The following GALR1 variants were observed in gnomAD, a reference collection of about 807,000 sequenced individuals.
GALR1 encodes the protein galanin receptor type 1.
Under a neutral mutation model 17.9 loss-of-function variants are expected in GALR1, and 11 were observed. The observed-to-expected ratio is 0.62, with a 90% CI of 0.39 to 1.02. The LOEUF (loss-of-function observed/expected upper bound fraction) is 1.02, where lower values mean the gene tolerates loss of function less well. Ranked by LOEUF, GALR1 falls within the 50% of genes least tolerant of loss-of-function variation. The probability of loss-of-function intolerance (pLI) is 0.01; values close to 1 mark genes in which losing one functional copy is unlikely to be tolerated. For missense variants in GALR1, 441 were observed against 456.9 expected, an observed-to-expected ratio of 0.97 and a Z score of 0.32; for synonymous variants, 206 against 205.7, an observed-to-expected ratio of 1.00 and a Z score of -0.01.
Position 77,252,753 on chromosome 18 carries a change from C to T in GALR1, c.666+1539C>T, listed in dbSNP as rs1599353921. Among the ~76,000 whole-genome samples the T allele has an allele frequency of 2.0e-5, 3 of 151,730 alleles. No homozygotes were observed. The East Asian group carries it at 5.8e-4, about 30-fold the overall frequency. On this transcript the variant is annotated intron_variant, in intron 1 of 2. Coordinates refer to ENST00000299727, the MANE Select transcript of GALR1 (RefSeq NM_001480.4). ...GTCCCAGCTACTCCGGAGGCTGAGA[C>T]AGAAGAATTGTTTGAACCCAAGTGA...
chr18:77,253,013 C>CCACCAT (rs1912502527), intron 1 of GALR1, among the ~76,000 whole-genome samples: 1 of 73,472 alleles, frequency 1.4e-5, no homozygotes, highest in East Asian at 3.8e-4. Context: ...ACCACCACCA[C>CCACCAT]CACCACCACC....
In GALR1 at chr18:77,272,865, A is replaced by T; in HGVS notation, c.*3963A>T. 6.6e-6 allele frequency: 1 copy of T among 152,276 alleles called. No homozygotes were observed. Among genetic ancestry groups the T allele is most frequent in the South Asian group, 2.1e-4 (1 of 4,838 alleles). 9.4% of individuals were successfully genotyped at this position (152,276 alleles called of 1,614,324 possible). A position where few individuals can be genotyped will look rare whatever the true frequency, so the allele number is the denominator to read the frequency against. On this transcript the variant is annotated 3_prime_UTR_variant, in exon 3 of 3. Transcript: ENST00000299727. ...TAATTATATCTGATTTTATTTAACC[A>T]TATTTTAATATTTTCTCTTTTAGAA...
rs1333185899 is a variant in GALR1 at position 77,272,303 on chromosome 18, A to G, written c.*3401A>G. 6.6e-6 allele frequency: 1 copy of G among 152,264 alleles called. No individual in the cohort carries two copies. Among genetic ancestry groups the G allele is most frequent in the Non-Finnish European group, 1.5e-5 (1 of 68,044 alleles). The allele number at this position is 152,264 out of a possible 1,614,324, so 9.4% of individuals were successfully genotyped here. A position where few individuals can be genotyped will look rare whatever the true frequency, so the allele number is the denominator to read the frequency against. ...TGCATTCTCCCAGATGCTTTGAGGCAGTGCAGCGATCATTCTAATATGTTA... is the reference window on the plus strand; with the variant it reads ...TGCATTCTCCCAGATGCTTTGAGGCGGTGCAGCGATCATTCTAATATGTTA... On this transcript the variant is annotated 3_prime_UTR_variant, in exon 3 of 3. Coordinates refer to ENST00000299727, the MANE Select transcript of GALR1 (RefSeq NM_001480.4).
intron 2 of GALR1, among the ~76,000 whole-genome samples, chr18:77,267,338 C>T (rs970168167): frequency 2.6e-5 from 4 of 152,194 alleles, no homozygotes; most frequent in Admixed American, 6.5e-5. Context: ...GGGAGCATGT[C>T]GGCCTGGCTG....
At chr18:77,258,770 A>G (rs1464213244) in intron 2 of GALR1, among the ~76,000 whole-genome samples, 2 of 58,294 alleles carry the variant, frequency 3.4e-5, no homozygotes, top group Admixed American at 2.2e-4. Context: ...GGCAATTGTG[A>G]TAGTGATGGT....
intron 2 of GALR1, among the ~76,000 whole-genome samples, chr18:77,259,652 G>T (rs934553213): frequency 6.7e-6 from 1 of 149,496 alleles, no homozygotes; most frequent in Non-Finnish European, 1.5e-5. Context: ...GACAGTGGTG[G>T]CAGTGGTGGT....
chr18:77,251,408 C>G (rs557080611), intron 1 of GALR1, among the ~76,000 whole-genome samples, 194 bp downstream of exon 1: 1 of 152,246 alleles, frequency 6.6e-6, no homozygotes, highest in Non-Finnish European at 1.5e-5. Context: ...CATTGGCTTG[C>G]GCAAGAAAGT....
At chr18:77,267,098 T>G (rs1219964796) in intron 2 of GALR1, among the ~76,000 whole-genome samples, 1 of 152,232 alleles carries the variant, frequency 6.6e-6, no homozygotes, top group Admixed American at 6.5e-5. Context: ...GAAGTAAACT[T>G]GCTGGTGAAG....
At chr18:77,257,745 C>T (rs34876698) in intron 2 of GALR1, among the ~76,000 whole-genome samples, 13,174 of 152,202 alleles carry the variant, frequency 0.087, 644 homozygotes, top group African/African-American at 0.12. Flanking sequence ...GAACTGGCTC[C>T]GCATGGAAGC....
chr18:77,251,429 C>T (rs1912414492), intron 1 of GALR1, among the ~76,000 whole-genome samples: 1 of 152,358 alleles, frequency 6.6e-6, no homozygotes, highest in East Asian at 1.9e-4. Context: ...TACTTGGAGT[C>T]TGAGAGATGC....
chr18:77,262,315 G>C (rs1165232268), intron 2 of GALR1, among the ~76,000 whole-genome samples: 3 of 151,986 alleles, frequency 2.0e-5, no homozygotes, highest in Non-Finnish European at 4.4e-5. Flanking sequence ...TATTTTGCCA[G>C]ATCTTTAACT....
In GALR1 at chr18:77,250,063, C is replaced by A. The variant is rs1383622795; in HGVS notation, c.-486C>A. On this transcript the variant is annotated 5_prime_UTR_variant, in exon 1 of 3. Transcript: ENST00000299727. ...AGGAGCCGCACAGTGCACTGCTGCG[C>A]GCTGGGCAGTGCGGGGAAGCGCCGC... Among the ~76,000 whole-genome samples the A allele has an allele frequency of 1.3e-5, 2 of 152,216 alleles. No individual in the cohort carries two copies. Among genetic ancestry groups the A allele is most frequent in the Admixed American group, 6.5e-5 (1 of 15,292 alleles).
intron 2 of GALR1, among the ~76,000 whole-genome samples, chr18:77,263,635 C>T (rs1480650035): frequency 6.6e-6 from 1 of 152,118 alleles, no homozygotes; most frequent in East Asian, 1.9e-4. Flanking sequence ...TTTGTCCTGG[C>T]CTTGATCTGA....
At chr18:77,258,639 G>GTGGTGGTGGTGATGGTGGTGA (rs1294064668) in intron 2 of GALR1, among the ~76,000 whole-genome samples, 12 of 125,422 alleles carry the variant, frequency 9.6e-5, no homozygotes, top group African/African-American at 2.6e-4. Context: ...GGTGGTGATG[G>GTGGTGGTGGTGATGGTGGTGA]TGGTGGTGGT....
At chr18:77,267,255 G>C (rs1912962885) in intron 2 of GALR1, among the ~76,000 whole-genome samples, 1 of 152,204 alleles carries the variant, frequency 6.6e-6, no homozygotes, top group African/African-American at 2.4e-5. Flanking sequence ...AGCCCTGTTG[G>C]GTGCAGAGAG....
chr18:77,250,342 C>T lies in GALR1; in HGVS notation c.-207C>T, dbSNP rs776267464. Among the ~76,000 whole-genome samples the T allele has an allele frequency of 6.6e-6, 1 of 152,208 alleles. No homozygotes were observed. Among genetic ancestry groups the T allele is most frequent in the Non-Finnish European group, 1.5e-5 (1 of 68,028 alleles). ...AGCTCCGGGCTCCCGAACCCACCCTCTCTCAGAAGGTCCCGGCGCAAAGAC... is the reference window on the plus strand; with the variant it reads ...AGCTCCGGGCTCCCGAACCCACCCTTTCTCAGAAGGTCCCGGCGCAAAGAC... On this transcript the variant is annotated 5_prime_UTR_variant, in exon 1 of 3. Coordinates refer to ENST00000299727, the MANE Select transcript of GALR1 (RefSeq NM_001480.4).
chr18:77,260,558 G>A (rs1013030545), intron 2 of GALR1, among the ~76,000 whole-genome samples: 7 of 152,298 alleles, frequency 4.6e-5, no homozygotes, highest in East Asian at 1.9e-4. Flanking sequence ...TTTTTTGGAC[G>A]GGGTGGGGAC....
intron 2 of GALR1, among the ~76,000 whole-genome samples, chr18:77,258,526 T>A (rs1599357755): frequency 7.0e-6 from 1 of 142,558 alleles, no homozygotes; most frequent in East Asian, 2.1e-4. Flanking sequence ...ATCATTGTGG[T>A]GATGGTGGCG....
chr18:77,250,747 C>T lies in GALR1; in HGVS notation c.199C>T (p.Arg67Trp). Residue 67 changes from arginine to tryptophan, a missense_variant, in exon 1 of 3, where the codon CGG (arginine) becomes TGG (tryptophan). Arg to Trp is a moderately radical substitution (Grantham distance 101). Coordinates refer to ENST00000299727, the MANE Select transcript of GALR1 (RefSeq NM_001480.4). ...GGCGCGCAGCAAGCCGGGCAAGCCG[C>T]GGAGCACCACCAACCTGTTCATCCT... ...VLARSKPGKPRSTTNLFILNL... is the reference protein window; with the variant it reads ...VLARSKPGKPWSTTNLFILNL... 6.2e-7 allele frequency: 1 copy of T among 1,613,892 alleles called. No individual in the cohort carries two copies.
Sources: gnomAD v4.1 joint callset for allele counts (sites outside exome capture counted in the v4.1 genomes callset) on GRCh38, gnomAD v4.1.1 for gene constraint, MANE v1.5 for transcripts, NCBI Gene and HGNC (gene_info 2026-07-23, HGNC 2026-07-21) for gene names.